Variants in LRRC4C observed in about 807,000 individuals in gnomAD.
LRRC4C encodes leucine-rich repeat-containing protein 4C.
LRRC4C carries 5 observed loss-of-function variants against 33.6 expected under a neutral mutation model. That is an observed-to-expected ratio of 0.15 (90% confidence interval 0.08 to 0.31). The LOEUF (loss-of-function observed/expected upper bound fraction) is 0.31, where lower values mean the gene tolerates loss of function less well. Ranked by LOEUF, LRRC4C falls within the 10% of genes least tolerant of loss-of-function variation. The pLI is 1.00. For missense variants in LRRC4C, 560 were observed against 796.7 expected (o/e 0.70, Z 3.58); for synonymous variants, 329 against 302.0 (o/e 1.09, Z -0.93).
intron 2 of LRRC4C, among the ~76,000 whole-genome samples, chr11:40,737,762 GA>G (rs1245133042): frequency 1.3e-5 from 2 of 152,116 alleles, no homozygotes; most frequent in Non-Finnish European, 2.9e-5. Flanking sequence ...TCATGGATAT[GA>G]AGAATCAATA....
At chr11:40,826,943 A>G (rs1952192214) in intron 2 of LRRC4C, among the ~76,000 whole-genome samples, 1 of 152,030 alleles carries the variant, frequency 6.6e-6, no homozygotes, top group African/African-American at 2.4e-5. Context: ...AAAACTGAGA[A>G]ATATTACTAT....
chr11:41,078,564 C>T (rs959586262), intron 1 of LRRC4C, among the ~76,000 whole-genome samples: 3 of 152,000 alleles, frequency 2.0e-5, no homozygotes, highest in Non-Finnish European at 4.4e-5. Flanking sequence ...GGAGAGAGAG[C>T]GAGCAAAGGG....
At chr11:40,858,632 T>C (rs1398061617) in intron 2 of LRRC4C, among the ~76,000 whole-genome samples, 1 of 147,768 alleles carries the variant, frequency 6.8e-6, no homozygotes, top group Non-Finnish European at 1.5e-5. Flanking sequence ...AGCCAGAGGT[T>C]GCAGTGAGCC....
chr11:41,334,450 G>A (rs992168217), intron 1 of LRRC4C, among the ~76,000 whole-genome samples: 3 of 151,992 alleles, frequency 2.0e-5, no homozygotes, highest in African/African-American at 7.3e-5. Context: ...TAAAATTGAT[G>A]ACTAACTGAT....
chr11:40,228,482 A>G (rs531196516), intron 5 of LRRC4C, among the ~76,000 whole-genome samples: 1 of 152,328 alleles, frequency 6.6e-6, no homozygotes, highest in African/African-American at 2.4e-5. Context: ...AAGGGAGGAA[A>G]CAGGTAATAA....
chr11:40,667,766 G>A (rs1417908352), intron 2 of LRRC4C, among the ~76,000 whole-genome samples: 1 of 152,172 alleles, frequency 6.6e-6, no homozygotes, highest in Non-Finnish European at 1.5e-5. Flanking sequence ...AACAACAAGA[G>A]ATTTGAAGAA....
At chr11:40,331,350 C>T (rs1158140534) in intron 3 of LRRC4C, among the ~76,000 whole-genome samples, 3 of 152,204 alleles carry the variant, frequency 2.0e-5, no homozygotes, top group African/African-American at 7.2e-5. Context: ...GTCGTATCTG[C>T]ATTCCCTTGT....
At chr11:40,180,364 T>C (rs965828644) in intron 5 of LRRC4C, among the ~76,000 whole-genome samples, 1 of 152,246 alleles carries the variant, frequency 6.6e-6, no homozygotes, top group Non-Finnish European at 1.5e-5. Flanking sequence ...CAGCAATTTA[T>C]ACCTTTAGTT....
chr11:40,412,635 T>C (rs78648318), intron 3 of LRRC4C, among the ~76,000 whole-genome samples: 2,584 of 152,188 alleles, frequency 0.017, 73 homozygotes, highest in African/African-American at 0.059. Context: ...CCACCTCCCA[T>C]GTCATTCACC....
intron 1 of LRRC4C, among the ~76,000 whole-genome samples, chr11:41,043,068 C>CTTT (rs67605827): frequency 6.3e-4 from 48 of 75,794 alleles, no homozygotes; most frequent in Non-Finnish European, 7.3e-4. Flanking sequence ...CAGAATAGAC[C>CTTT]TTTTTTTTTT....
intron 2 of LRRC4C, among the ~76,000 whole-genome samples, chr11:40,894,159 T>C (rs569278323): frequency 5.3e-5 from 8 of 152,298 alleles, no homozygotes; most frequent in African/African-American, 1.4e-4. Context: ...CTGTTAAATA[T>C]CCAGTAATTT....
intron 1 of LRRC4C, among the ~76,000 whole-genome samples, chr11:41,237,155 T>C (rs1404214967): frequency 1.3e-5 from 2 of 152,170 alleles, no homozygotes; most frequent in Non-Finnish European, 2.9e-5. Context: ...TAACAAGAAA[T>C]AGAATCAAAG....
chr11:41,180,677 G>A (rs1379449269), intron 1 of LRRC4C, among the ~76,000 whole-genome samples: 1 of 152,094 alleles, frequency 6.6e-6, no homozygotes, highest in Non-Finnish European at 1.5e-5. Context: ...CAGTACTGCT[G>A]CCCTGACTAA....
intron 2 of LRRC4C, among the ~76,000 whole-genome samples, chr11:40,710,967 G>T (rs1462984254): frequency 6.6e-6 from 1 of 152,086 alleles, no homozygotes; most frequent in African/African-American, 2.4e-5. Flanking sequence ...CTAGCAGTGG[G>T]CAAGGCTCTG....
intron 1 of LRRC4C, among the ~76,000 whole-genome samples, chr11:41,377,045 C>A (rs554721724): frequency 2.0e-5 from 3 of 152,002 alleles, no homozygotes; most frequent in Non-Finnish European, 4.4e-5. Flanking sequence ...ATTTTTGGAG[C>A]CATATGTCCA....
intron 2 of LRRC4C, among the ~76,000 whole-genome samples, chr11:40,894,681 A>G (rs1246365478): frequency 6.6e-6 from 1 of 152,088 alleles, no homozygotes; most frequent in Non-Finnish European, 1.5e-5. Context: ...TCCACCCAAC[A>G]ACCAAATATG....
At chr11:40,282,060 A>G (rs139600807) in intron 4 of LRRC4C, among the ~76,000 whole-genome samples, 46 of 152,276 alleles carry the variant, frequency 3.0e-4, no homozygotes, top group Middle Eastern at 3.4e-3. Context: ...GACAAGAACT[A>G]AGACAAAACT....
intron 3 of LRRC4C, among the ~76,000 whole-genome samples, chr11:40,556,167 C>T (rs1252114137): frequency 6.6e-6 from 1 of 152,166 alleles, no homozygotes; most frequent in African/African-American, 2.4e-5. Context: ...AGGCAATTTC[C>T]TAGCCTGGCA....
At chr11:40,229,244 T>C (rs1183801410) in intron 5 of LRRC4C, among the ~76,000 whole-genome samples, 5 of 152,158 alleles carry the variant, frequency 3.3e-5, no homozygotes, top group Non-Finnish European at 5.9e-5. Context: ...TAAAGTCATT[T>C]AAACTTTTCA....
Sources: gnomAD v4.1 joint callset for allele counts (sites outside exome capture counted in the v4.1 genomes callset) on GRCh38, gnomAD v4.1.1 for gene constraint, MANE v1.5 for transcripts, NCBI Gene and HGNC (gene_info 2026-07-23, HGNC 2026-07-21) for gene names.